TRMT11: variants seen among roughly 807,000 people sequenced by gnomAD.
The protein encoded by TRMT11 is tRNA (guanine(10)-N(2))-methyltransferase TRMT11.
Under a neutral mutation model 62.8 loss-of-function variants are expected in TRMT11, and 53 were observed. The ratio of observed to expected loss-of-function variants is 0.84; its 90% CI spans 0.68 to 1.06. The LOEUF is 1.06. TRMT11 is among the 50% of genes least tolerant of loss of function. TRMT11 has a pLI of 0.00. For missense variants in TRMT11, 556 were observed against 553.4 expected (o/e 1.00, Z -0.05); for synonymous variants, 188 against 190.3 (o/e 0.99, Z 0.10).
the TRMT11 span, among the ~76,000 whole-genome samples, chr6:126,237,065 TAGAGAGAGAGAGAGAG>T: frequency 7.0e-6 from 1 of 142,466 alleles, no homozygotes; most frequent in African/African-American, 2.5e-5. Flanking sequence ...CTCCTAGAGA[TAGAGAGAGAGAGAGAG>T]AGAGAGAGAG....
intron 1 of TRMT11, among the ~76,000 whole-genome samples, chr6:126,193,932 A>C (rs1165760604): frequency 6.6e-6 from 1 of 152,108 alleles, no homozygotes; most frequent in Non-Finnish European, 1.5e-5. Flanking sequence ...TCATTGACCC[A>C]TTAGATGTTC....
chr6:126,245,674 G>T, the TRMT11 span, among the ~76,000 whole-genome samples: 2 of 152,238 alleles, frequency 1.3e-5, no homozygotes, highest in African/African-American at 4.8e-5. Flanking sequence ...ACTGAAATTG[G>T]AAGTGGAATT....
the TRMT11 span, among the ~76,000 whole-genome samples, chr6:126,212,275 G>A: frequency 6.6e-6 from 1 of 152,048 alleles, no homozygotes; most frequent in Non-Finnish European, 1.5e-5. Flanking sequence ...CCTTTCTTTT[G>A]GGTATATACC....
intron 21 of TRMT11, among the ~76,000 whole-genome samples, chr6:126,151,920 T>TTTCTTTCTTTCA: frequency 1.0e-5 from 1 of 97,684 alleles, no homozygotes. Context: ...TCTTTCTTTC[T>TTTCTTTCTTTCA]TTCTTTCTTT....
At chr6:126,262,830 C>A in the TRMT11 span, among the ~76,000 whole-genome samples, 1 of 152,192 alleles carries the variant, frequency 6.6e-6, no homozygotes, top group Non-Finnish European at 1.5e-5. Context: ...TCACTTCCTT[C>A]CTGATGGTTC....
the TRMT11 span, among the ~76,000 whole-genome samples, chr6:126,228,962 CT>C: frequency 6.6e-6 from 1 of 151,982 alleles, no homozygotes; most frequent in African/African-American, 2.4e-5. Context: ...CTTTTAATGG[CT>C]ATTATAGTAA....
chr6:126,051,135 T>C lies in TRMT11; in HGVS notation c.*1370-1988T>C, dbSNP rs1245175344. Among the ~76,000 whole-genome samples, 4 of 152,310 alleles carry C rather than the reference T, an allele frequency of 2.6e-5. No homozygotes were observed. The South Asian group carries it at 8.3e-4, about 32-fold the overall frequency. On this transcript the variant is annotated intron_variant and NMD_transcript_variant, in intron 16 of 22. Transcript: ENST00000648977. The stretch of plus-strand genomic sequence containing the variant: ...GGTTTAATAACTGTATTGTGAGATA[T>C]ATTATTTATACCAAAGAGTGCATAA...
At chr6:126,055,380 C>T (rs1776344388) in intron 17 of TRMT11, among the ~76,000 whole-genome samples, 2 of 152,206 alleles carry the variant, frequency 1.3e-5, no homozygotes, top group African/African-American at 4.8e-5. Flanking sequence ...GCCTGCTTCT[C>T]CTTCACTATT....
At chr6:126,070,383 G>T (rs1007140173) in intron 17 of TRMT11, among the ~76,000 whole-genome samples, 2 of 151,964 alleles carry the variant, frequency 1.3e-5, no homozygotes, top group Non-Finnish European at 2.9e-5. Flanking sequence ...CATATACCTG[G>T]TACTCTCACA....
chr6:126,185,619 T>A (rs1163849032), intron 1 of TRMT11, among the ~76,000 whole-genome samples: 2 of 152,214 alleles, frequency 1.3e-5, no homozygotes, highest in East Asian at 1.9e-4. Context: ...AAAAGCTTGC[T>A]GATAAAATAA....
At chr6:126,007,970 C>T (rs190067100) in intron 7 of TRMT11, among the ~76,000 whole-genome samples, 2 of 152,084 alleles carry the variant, frequency 1.3e-5, no homozygotes, top group East Asian at 3.9e-4. Flanking sequence ...TTGTTTGAAA[C>T]TCTGACTTCA....
At chr6:126,000,698 G>A (rs1430355923) in intron 7 of TRMT11, among the ~76,000 whole-genome samples, 1 of 152,104 alleles carries the variant, frequency 6.6e-6, no homozygotes, top group Non-Finnish European at 1.5e-5. Context: ...TGCTTAGGAA[G>A]AAGTAGTATC....
chr6:126,076,897 T>C (rs1055115575), intron 17 of TRMT11, among the ~76,000 whole-genome samples: 3 of 152,160 alleles, frequency 2.0e-5, no homozygotes, highest in Non-Finnish European at 2.9e-5. Flanking sequence ...GCTTGTAGAA[T>C]ATTAAGGGAG....
chr6:126,181,929 G>A (rs1197573652), intron 1 of TRMT11, among the ~76,000 whole-genome samples: 1 of 152,152 alleles, frequency 6.6e-6, no homozygotes, highest in East Asian at 1.9e-4. Flanking sequence ...CAAATACATA[G>A]CAAGTCATCC....
chr6:126,135,048 T>A (rs796117676), intron 21 of TRMT11, among the ~76,000 whole-genome samples: 4 of 151,286 alleles, frequency 2.6e-5, no homozygotes, highest in South Asian at 2.1e-4. Context: ...ATAAAAAAAA[T>A]TTAAATAATT....
At chr6:126,043,104 C>T (rs1053373388), downstream of TRMT11, among the ~76,000 whole-genome samples, 5 of 150,556 alleles carry the variant, frequency 3.3e-5, no homozygotes, top group Non-Finnish European at 7.4e-5. Flanking sequence ...GCATAATGTG[C>T]AGGTTAGTTA....
chr6:126,170,509 C>T (rs544274408), intron 21 of TRMT11, among the ~76,000 whole-genome samples: 4 of 152,182 alleles, frequency 2.6e-5, no homozygotes, highest in African/African-American at 4.8e-5. Flanking sequence ...TTTGTTCTTT[C>T]GCTGGCTGTA....
At chr6:126,114,533 C>T (rs544665361) in intron 18 of TRMT11, among the ~76,000 whole-genome samples, 2 of 152,198 alleles carry the variant, frequency 1.3e-5, no homozygotes, top group East Asian at 1.9e-4. Context: ...AAGGTGGGAC[C>T]TGTATGTTAC....
intron 12 of TRMT11, among the ~76,000 whole-genome samples, chr6:126,022,179 G>T (rs1449262891): frequency 1.3e-5 from 2 of 148,674 alleles, no homozygotes; most frequent in Non-Finnish European, 3.0e-5. Flanking sequence ...GAGTAGCTGG[G>T]ATTACAGGTG....
Sources: gnomAD v4.1 joint callset for allele counts (sites outside exome capture counted in the v4.1 genomes callset) on GRCh38, gnomAD v4.1.1 for gene constraint, MANE v1.5 for transcripts, NCBI Gene and HGNC (gene_info 2026-07-23, HGNC 2026-07-21) for gene names.